The following ARNT2 variants were observed in gnomAD, a reference collection of about 807,000 sequenced individuals.
ARNT2 encodes aryl hydrocarbon receptor nuclear translocator 2.
ARNT2 carries 36 observed loss-of-function variants against 91.7 expected under a neutral mutation model. That is an observed-to-expected ratio of 0.39 (90% CI 0.30 to 0.52). The LOEUF is 0.52. Ranked by LOEUF, ARNT2 falls within the 20% of genes least tolerant of loss-of-function variation. ARNT2 has a pLI of 0.72. For synonymous variants in ARNT2, 365 were observed against 347.1 expected, an observed-to-expected ratio of 1.05 and a Z score of -0.57; for missense variants, 775 against 939.3, an observed-to-expected ratio of 0.83 and a Z score of 2.29.
chr15:80,549,165 G>T (rs1468820219), intron 8 of ARNT2, among the ~76,000 whole-genome samples: 1 of 152,106 alleles, frequency 6.6e-6, no homozygotes. Flanking sequence ...GGGGCAACTG[G>T]ATAGCTATTT....
intron 1 of ARNT2, among the ~76,000 whole-genome samples, chr15:80,407,962 T>A (rs1224788491): frequency 2.0e-5 from 3 of 152,242 alleles, no homozygotes; most frequent in African/African-American, 7.2e-5. Context: ...TATGTGGACA[T>A]TCTCTGAGAT....
intron 8 of ARNT2, among the ~76,000 whole-genome samples, chr15:80,528,836 A>G (rs557827839): frequency 3.9e-5 from 6 of 152,260 alleles, no homozygotes; most frequent in African/African-American, 1.2e-4. Flanking sequence ...GCCAAATCAA[A>G]CCTATTTTCT....
intron 1 of ARNT2, among the ~76,000 whole-genome samples, chr15:80,440,548 G>A (rs1896172460): frequency 6.6e-6 from 1 of 152,216 alleles, no homozygotes. Context: ...GTGCTGTAGT[G>A]CAGTGCCCCT....
chr15:80,417,911 G>T (rs1895810013), intron 1 of ARNT2, among the ~76,000 whole-genome samples: 2 of 152,164 alleles, frequency 1.3e-5, no homozygotes, highest in Admixed American at 1.3e-4. Flanking sequence ...GTAGTGTGTG[G>T]GTGGCTGGTT....
At chr15:80,428,703 A>C (rs1895966573) in intron 1 of ARNT2, among the ~76,000 whole-genome samples, 1 of 152,172 alleles carries the variant, frequency 6.6e-6, no homozygotes, top group Non-Finnish European at 1.5e-5. Context: ...TCTGGAGGGG[A>C]GATGAGCAGG....
chr15:80,517,889 T>G (rs916420997), intron 8 of ARNT2, among the ~76,000 whole-genome samples: 1 of 152,196 alleles, frequency 6.6e-6, no homozygotes. Context: ...TTATTATCCA[T>G]CTGTTCTTGC....
chr15:80,587,105 G>C (rs1893186422), intron 17 of ARNT2, among the ~76,000 whole-genome samples: 3 of 152,174 alleles, frequency 2.0e-5, no homozygotes, highest in Non-Finnish European at 2.9e-5. Context: ...GAAAAGGTGA[G>C]GCCTTAGCCA....
intron 8 of ARNT2, among the ~76,000 whole-genome samples, chr15:80,539,267 G>A (rs180747132): frequency 6.6e-6 from 1 of 152,126 alleles, no homozygotes; most frequent in Admixed American, 6.5e-5. Flanking sequence ...TACAATGCTA[G>A]CAAATCAAAT....
intron 8 of ARNT2, among the ~76,000 whole-genome samples, chr15:80,533,216 G>A (rs1450247868): frequency 6.6e-6 from 1 of 152,222 alleles, no homozygotes; most frequent in East Asian, 1.9e-4. Flanking sequence ...GGTCCTGAGT[G>A]GAAGGAACTC....
intron 8 of ARNT2, among the ~76,000 whole-genome samples, chr15:80,522,604 T>C (rs1208349798): frequency 6.6e-6 from 1 of 152,062 alleles, no homozygotes; most frequent in African/African-American, 2.4e-5. Flanking sequence ...TACTGAATAT[T>C]TTAGCAGTTG....
In ARNT2 at chr15:80,591,300, C is replaced by G. The variant is rs1363109140; in HGVS notation, c.1919-268C>G. Among the ~76,000 whole-genome samples, 8 of 152,188 alleles carry G rather than the reference C, an allele frequency of 5.3e-5. No homozygotes were observed. Among genetic ancestry groups the G allele is most frequent in the African/African-American group, 1.9e-4 (8 of 41,436 alleles). ...AAGGAGCACTCCAAGGCTTAAAGCACCTAGTCACCTGGCAGGTGACCTCAG... is the reference window on the plus strand; with the variant it reads ...AAGGAGCACTCCAAGGCTTAAAGCAGCTAGTCACCTGGCAGGTGACCTCAG... On this transcript the variant is annotated intron_variant, in intron 17 of 18. Transcript: ENST00000303329. This position sits in a 1 kb window ranked among gnomAD's most constrained non-coding sequence, Gnocchi z 5.1.
At chr15:80,439,585 A>G (rs1465545370) in intron 1 of ARNT2, among the ~76,000 whole-genome samples, 1 of 152,170 alleles carries the variant, frequency 6.6e-6, no homozygotes, top group Non-Finnish European at 1.5e-5. Flanking sequence ...AGGTTAAGTA[A>G]TTTTTATCTG....
chr15:80,456,151 T>C (rs1429209222), intron 2 of ARNT2, among the ~76,000 whole-genome samples: 1 of 152,202 alleles, frequency 6.6e-6, no homozygotes, highest in Non-Finnish European at 1.5e-5. Flanking sequence ...AGTCTTGCAT[T>C]CAGCTCCCAC....
At chr15:80,455,238 C>T (rs1896464353) in intron 2 of ARNT2, among the ~76,000 whole-genome samples, 1 of 152,132 alleles carries the variant, frequency 6.6e-6, no homozygotes, top group African/African-American at 2.4e-5. Context: ...GCTGATGAGC[C>T]AGTGAGACTG....
intron 11 of ARNT2, among the ~76,000 whole-genome samples, chr15:80,560,477 GT>G (rs1312754144): frequency 6.6e-6 from 1 of 152,146 alleles, no homozygotes; most frequent in African/African-American, 2.4e-5. Flanking sequence ...CCCTTGTTCT[GT>G]TCTCTTTCCA....
chr15:80,535,400 C>T (rs765541458), intron 8 of ARNT2, among the ~76,000 whole-genome samples: 3 of 152,230 alleles, frequency 2.0e-5, no homozygotes, highest in Non-Finnish European at 4.4e-5. Flanking sequence ...TGTTACACTA[C>T]TAACTCTAGA....
chr15:80,425,616 T>C (rs574790491), intron 1 of ARNT2, among the ~76,000 whole-genome samples: 2 of 152,344 alleles, frequency 1.3e-5, no homozygotes, highest in East Asian at 3.9e-4. Flanking sequence ...GTGCAGAATG[T>C]GCAGGTTTGT....
At chr15:80,474,564 G>A (rs1392940003) in intron 4 of ARNT2, among the ~76,000 whole-genome samples, 9 of 152,190 alleles carry the variant, frequency 5.9e-5, no homozygotes, top group Admixed American at 2.6e-4. Flanking sequence ...GGTCTCTTTC[G>A]TTCTCCCTTC....
intron 1 of ARNT2, among the ~76,000 whole-genome samples, chr15:80,423,226 T>C (rs891495533): frequency 3.9e-5 from 6 of 152,232 alleles, no homozygotes; most frequent in Non-Finnish European, 8.8e-5. Flanking sequence ...TAATGGCGTC[T>C]GTGCCCAGTA....
Sources: gnomAD v4.1 joint callset for allele counts (sites outside exome capture counted in the v4.1 genomes callset) on GRCh38, gnomAD v4.1.1 for gene constraint, Gnocchi (gnomAD v3.1) non-coding constraint, MANE v1.5 for transcripts, NCBI Gene and HGNC (gene_info 2026-07-23, HGNC 2026-07-21) for gene names.